The following MACROD2 variants were observed in gnomAD, a reference collection of about 807,000 sequenced individuals.
MACROD2 encodes the protein mono-ADP ribosylhydrolase 2.
Under a neutral mutation model 70.4 loss-of-function variants are expected in MACROD2, and 36 were observed. That is an observed-to-expected ratio of 0.51 (90% CI 0.39 to 0.68). The LOEUF is 0.68. Ranked by LOEUF, MACROD2 falls within the 30% of genes least tolerant of loss-of-function variation. The pLI is 0.00. For synonymous variants in MACROD2, 172 were observed against 178.8 expected (o/e 0.96, Z 0.30); for missense variants, 496 against 538.4 (o/e 0.92, Z 0.78).
At chr20:15,833,114 C>A (rs2064075851) in intron 8 of MACROD2, among the ~76,000 whole-genome samples, 1 of 152,156 alleles carries the variant, frequency 6.6e-6, no homozygotes, top group African/African-American at 2.4e-5. Context: ...TACAGTAATC[C>A]AAAATGTGCA....
chr20:14,994,437 C>T (rs1320913630), intron 5 of MACROD2, among the ~76,000 whole-genome samples: 1 of 151,986 alleles, frequency 6.6e-6, no homozygotes, highest in African/African-American at 2.4e-5. Flanking sequence ...TCTTGTTGCA[C>T]TCACCTAACA....
At chr20:15,326,806 C>T (rs376340909) in intron 6 of MACROD2, among the ~76,000 whole-genome samples, 1 of 152,032 alleles carries the variant, frequency 6.6e-6, no homozygotes, top group Non-Finnish European at 1.5e-5. Context: ...CAGAAGACAT[C>T]CAGGAGCATA....
At chr20:15,758,618 C>T (rs1445474567) in intron 8 of MACROD2, among the ~76,000 whole-genome samples, 4 of 151,044 alleles carry the variant, frequency 2.6e-5, no homozygotes, top group Non-Finnish European at 5.9e-5. Context: ...TAGCTCACTG[C>T]AGCCTCAAAC....
intron 5 of MACROD2, among the ~76,000 whole-genome samples, chr20:15,040,903 T>G (rs1450489846): frequency 6.6e-6 from 1 of 152,222 alleles, no homozygotes; most frequent in Non-Finnish European, 1.5e-5. Context: ...TTTATGGCCT[T>G]TTCTCAACTC....
chr20:15,301,975 A>G (rs1376807883), intron 6 of MACROD2, among the ~76,000 whole-genome samples: 4 of 152,134 alleles, frequency 2.6e-5, no homozygotes, highest in African/African-American at 9.7e-5. Context: ...AAATGTAACA[A>G]ACACAAGAAA....
At chr20:15,070,442 T>C (rs919057651) in intron 5 of MACROD2, among the ~76,000 whole-genome samples, 3 of 152,088 alleles carry the variant, frequency 2.0e-5, no homozygotes, top group Non-Finnish European at 4.4e-5. Context: ...AGGGGTAGAA[T>C]GATATGGCCT....
At chr20:14,054,500 G>A (rs1257453348) in intron 2 of MACROD2, among the ~76,000 whole-genome samples, 2 of 152,034 alleles carry the variant, frequency 1.3e-5, no homozygotes, top group Non-Finnish European at 2.9e-5. Context: ...TCCATGTAAT[G>A]AAGATTTGTT....
rs567831621 is a variant in MACROD2 at position 14,656,970 on chromosome 20, A to G, written c.302-27873A>G. 5.9e-5 allele frequency among the ~76,000 whole-genome samples: 9 copies of G among 152,272 alleles called. No individual in the cohort carries two copies. In the East Asian group the frequency reaches 1.7e-3, roughly 29 times the overall value. ...CTGCCTTCTCACATGGCTGCTGTACATACCTGTCATAACATGTATGTGATA... is the reference window on the plus strand; with the variant it reads ...CTGCCTTCTCACATGGCTGCTGTACGTACCTGTCATAACATGTATGTGATA... On this transcript the variant is annotated intron_variant, in intron 4 of 17. Transcript: ENST00000684519.
intron 15 of MACROD2, among the ~76,000 whole-genome samples, chr20:16,002,862 TGAAAATCCTA>T (rs1377152412): frequency 2.0e-5 from 3 of 152,208 alleles, no homozygotes; most frequent in Middle Eastern, 3.2e-3. Flanking sequence ...ACACTCCTTT[TGAAAATCCTA>T]GACTTTCCCA....
intron 5 of MACROD2, among the ~76,000 whole-genome samples, chr20:15,000,744 G>C (rs927930454): frequency 6.8e-6 from 1 of 148,036 alleles, no homozygotes; most frequent in Admixed American, 6.7e-5. Flanking sequence ...TTGTATGTGT[G>C]TTATCCTTAG....
chr20:14,928,395 A>G (rs1000176721), intron 5 of MACROD2, among the ~76,000 whole-genome samples: 1 of 152,238 alleles, frequency 6.6e-6, no homozygotes, highest in Non-Finnish European at 1.5e-5. Context: ...TAAATAAACC[A>G]TCAATTAAGG....
intron 7 of MACROD2, among the ~76,000 whole-genome samples, chr20:15,440,494 TG>T (rs752739809): frequency 6.6e-6 from 1 of 152,188 alleles, no homozygotes; most frequent in Non-Finnish European, 1.5e-5. Flanking sequence ...TGCTTCTAAC[TG>T]GTAAAAAGGA....
chr20:15,351,331 T>C (rs1568741071), intron 6 of MACROD2, among the ~76,000 whole-genome samples: 1 of 152,186 alleles, frequency 6.6e-6, no homozygotes, highest in Non-Finnish European at 1.5e-5. Context: ...GCAAGCTATA[T>C]GATTGTGTGA....
intron 6 of MACROD2, among the ~76,000 whole-genome samples, chr20:15,382,007 A>G (rs1405657836): frequency 1.3e-5 from 2 of 152,164 alleles, no homozygotes; most frequent in Non-Finnish European, 2.9e-5. Context: ...TCTCTGAAGA[A>G]GCTTTAATAT....
At chr20:15,505,901 C>G (rs913813095) in intron 8 of MACROD2, among the ~76,000 whole-genome samples, 1 of 152,148 alleles carries the variant, frequency 6.6e-6, no homozygotes, top group Admixed American at 6.5e-5. Flanking sequence ...TTAGCACAAA[C>G]AGATTGTTGT....
At chr20:14,071,482 C>A (rs113756186) in intron 2 of MACROD2, among the ~76,000 whole-genome samples, 483 of 151,698 alleles carry the variant, frequency 3.2e-3, no homozygotes, top group East Asian at 1.0e-2. Flanking sequence ...GGATGGTCTC[C>A]GTTTCCTGAC....
intron 5 of MACROD2, among the ~76,000 whole-genome samples, chr20:15,192,676 A>G (rs926563241): frequency 1.3e-5 from 2 of 152,112 alleles, no homozygotes; most frequent in Non-Finnish European, 1.5e-5. Flanking sequence ...ATCTCACTCC[A>G]TACATCCAGA....
At chr20:14,874,791 A>G (rs528980182) in intron 5 of MACROD2, among the ~76,000 whole-genome samples, 1 of 151,384 alleles carries the variant, frequency 6.6e-6, no homozygotes, top group Admixed American at 6.6e-5. Flanking sequence ...TGCAGCCTCC[A>G]CCTCCTGGGT....
chr20:14,745,342 T>A (rs1427192687), intron 5 of MACROD2, among the ~76,000 whole-genome samples: 1 of 152,204 alleles, frequency 6.6e-6, no homozygotes, highest in Non-Finnish European at 1.5e-5. Flanking sequence ...TGTATAGGCC[T>A]ATATGAGTAT....
Sources: gnomAD v4.1 joint callset for allele counts (sites outside exome capture counted in the v4.1 genomes callset) on GRCh38, gnomAD v4.1.1 for gene constraint, MANE v1.5 for transcripts, NCBI Gene and HGNC (gene_info 2026-07-23, HGNC 2026-07-21) for gene names.